NUP205: variants seen among roughly 807,000 people sequenced by gnomAD.
The protein encoded by NUP205 is nuclear pore complex protein Nup205.
In NUP205, 76 loss-of-function variants were observed where a neutral mutation model predicts 253.8. The observed-to-expected ratio is 0.30, with a 90% CI of 0.25 to 0.36. The LOEUF (loss-of-function observed/expected upper bound fraction) is 0.36. NUP205 is among the 10% of genes least tolerant of loss of function. The pLI is 1.00. For synonymous variants in NUP205, 832 were observed against 850.1 expected, an observed-to-expected ratio of 0.98 and a Z score of 0.37; for missense variants, 2,162 against 2,425.5, an observed-to-expected ratio of 0.89 and a Z score of 2.28.
At position 135,591,485 on chromosome 7, in the gene NUP205, C is replaced by T. The variant is rs1806627711; in HGVS notation, c.1509C>T (p.Asp503=). The change falls in exon 11 of 43, where the codon GAC becomes GAT. Residue 503 remains aspartate, a synonymous_variant. Transcript: ENST00000285968. ...VLSKFVRQMG[D]LLPPTIYIPY... ...CAAAGTTTGTTAGGCAAATGGGTGACCTGTTGCCTCCAACTATTTATATTC... is the reference window on the plus strand; with the variant it reads ...CAAAGTTTGTTAGGCAAATGGGTGATCTGTTGCCTCCAACTATTTATATTC... 2 of 1,613,936 alleles carry T rather than the reference C, an allele frequency of 1.2e-6. No homozygotes were observed. Among genetic ancestry groups the T allele is most frequent in the South Asian group, 1.1e-5 (1 of 91,052 alleles).
At chr7:135,591,688 A>G (rs954210165) in intron 11 of NUP205, 88 bp downstream of exon 11, 18 of 1,186,210 alleles carry the variant, frequency 1.5e-5, no homozygotes, top group Non-Finnish European at 2.2e-5. Context: ...TTGGTGTTTG[A>G]ACTAGGTTCT....
chr7:135,610,934 A>T (rs984895835), intron 22 of NUP205, among the ~76,000 whole-genome samples: 11 of 151,436 alleles, frequency 7.3e-5, no homozygotes, highest in Non-Finnish European at 1.3e-4. Context: ...ACCAGGAAGG[A>T]TATAGCCCAC....
intron 13 of NUP205, among the ~76,000 whole-genome samples, chr7:135,596,431 T>G (rs1387424385): frequency 1.3e-5 from 2 of 152,242 alleles, no homozygotes; most frequent in Admixed American, 6.5e-5. Flanking sequence ...GCTTAGTGCT[T>G]CTTTACACCT....
intron 31 of NUP205, 81 bp from the exon 32 acceptor site, chr7:135,625,083 C>A: frequency 2.9e-6 from 3 of 1,045,414 alleles, no homozygotes; most frequent in South Asian, 3.0e-5. Flanking sequence ...TATTTCATAT[C>A]TGATGTCAGA....
At chr7:135,598,430 TAGG>T (rs1192208259) in intron 15 of NUP205, among the ~76,000 whole-genome samples, 1 of 152,224 alleles carries the variant, frequency 6.6e-6, no homozygotes, top group African/African-American at 2.4e-5. Flanking sequence ...ATCTAATTGA[TAGG>T]AGTTCATATT....
At chr7:135,566,038 C>G (rs1805747387) in intron 1 of NUP205, among the ~76,000 whole-genome samples, 1 of 152,134 alleles carries the variant, frequency 6.6e-6, no homozygotes, top group Admixed American at 6.6e-5. Flanking sequence ...ATTGATTATT[C>G]TCTAATCAAA....
At chr7:135,572,051 G>T (rs747193802) in intron 2 of NUP205, among the ~76,000 whole-genome samples, 5 of 152,146 alleles carry the variant, frequency 3.3e-5, no homozygotes, top group East Asian at 1.9e-4. Context: ...TAGAGATAGG[G>T]TCTTGCTATG....
intron 22 of NUP205, among the ~76,000 whole-genome samples, chr7:135,612,843 G>A (rs1794273114): frequency 6.6e-6 from 1 of 152,136 alleles, no homozygotes; most frequent in African/African-American, 2.4e-5. Context: ...TTCACAAGTA[G>A]TCATAACAAT....
At chr7:135,613,545 CTTTTTTTTTT>C (rs1270458119) in intron 22 of NUP205, among the ~76,000 whole-genome samples, 2 of 136,612 alleles carry the variant, frequency 1.5e-5, no homozygotes, top group Non-Finnish European at 3.2e-5. Context: ...CTTTTTTTTT[CTTTTTTTTTT>C]GAGACAGGGT....
At chr7:135,623,223 C>T (rs566808889) in intron 31 of NUP205, among the ~76,000 whole-genome samples, 9 of 152,190 alleles carry the variant, frequency 5.9e-5, no homozygotes, top group East Asian at 5.8e-4. Flanking sequence ...AGGTTGCTTG[C>T]GGTGAGCTGT....
At chr7:135,577,438 G>A (rs1252810243) in intron 5 of NUP205, among the ~76,000 whole-genome samples, 1 of 152,118 alleles carries the variant, frequency 6.6e-6, no homozygotes, top group Non-Finnish European at 1.5e-5. Context: ...CTGTTTGACA[G>A]TACAGTATAC....
intron 33 of NUP205, among the ~76,000 whole-genome samples, chr7:135,626,581 C>T (rs958012811): frequency 6.6e-6 from 1 of 151,174 alleles, no homozygotes; most frequent in Non-Finnish European, 1.5e-5. Context: ...TGTACTTGCC[C>T]AATGTTATTA....
chr7:135,616,711 G>C lies in NUP205; in HGVS notation c.3517G>C (p.Asp1173His). The change falls in exon 25 of 43, where the codon GAC becomes CAC. Residue 1173 changes from aspartate to histidine, a missense_variant. By Grantham distance (81) the Asp-to-His change is moderately conservative. Around this residue, in one of 5 missense-constraint regions of NUP205, gnomAD observed 1,144 missense variants for 1,280.9 expected, o/e 0.89. Transcript: ENST00000285968. ...GTCTGTTTCTGGGTTCCTTCACTTT[G>C]ACACTGCTACAAAAGGTAATGCCCT... is the stretch of plus-strand genomic sequence containing the variant. ...NRSVSGFLHF[D>H]TATKVRRKIL... 6.4e-7 allele frequency: 1 copy of C among 1,562,250 alleles called. No individual in the cohort carries two copies. Among genetic ancestry groups the C allele is most frequent in the Non-Finnish European group, 8.6e-7 (1 of 1,157,390 alleles).
Position 135,618,537 on chromosome 7 carries a change from G to C in NUP205, c.3897G>C (p.Gln1299His). 1 of 1,613,868 alleles carries C rather than the reference G, an allele frequency of 6.2e-7. No individual in the cohort carries two copies. Among genetic ancestry groups the C allele is most frequent in the Non-Finnish European group, 8.5e-7 (1 of 1,179,922 alleles). The stretch of plus-strand genomic sequence containing the variant: ...AAATTATACTGACAGCTTGTCCCCA[G>C]GACCTCATTCAGGCAGAGGATCGAC... ...LVEIILTACP[Q>H]DLIQAEDRQL... Residue 1299 changes from glutamine (Q) to histidine (H), a missense_variant, in exon 28 of 43, where the codon CAG becomes CAC. Around this residue, in one of 5 missense-constraint regions of NUP205, gnomAD observed 1,144 missense variants for 1,280.9 expected, o/e 0.89. Transcript: ENST00000285968.
Position 135,639,564 on chromosome 7 carries a change from G to A in NUP205, c.5392+881G>A, listed in dbSNP as rs537909540. On this transcript the variant is annotated intron_variant, in intron 38 of 42. Coordinates refer to ENST00000285968, the MANE Select transcript of NUP205 (RefSeq NM_015135.3). ...AAGTTAGCCGGGTGCAGTGGCGCGC[G>A]CCTGTAATCCCAGGTACTCTGGAGG... Among the ~76,000 whole-genome samples the A allele has an allele frequency of 2.6e-4, 40 of 151,938 alleles. No homozygotes were observed. In the South Asian group the frequency reaches 7.3e-3, roughly 28 times the overall value.
rs756699603 is a variant in NUP205 at position 135,648,548 on chromosome 7, A to G, written c.6031A>G (p.Arg2011Gly). ...TATCCGTGGCCTCTTGAGGATATCA[A>G]GGAACTGAGAGCCCGTGCTTATGCT... ...RRIRGLLRISRN is the reference protein window; with the variant it reads ...RRIRGLLRISGN Residue 2011 changes from arginine to glycine, a missense_variant, in exon 43 of 43, where the codon AGG becomes GGG. By Grantham distance (125) the Arg-to-Gly change is moderately radical. Around this residue, in one of 5 missense-constraint regions of NUP205, gnomAD observed 1,144 missense variants for 1,280.9 expected, o/e 0.89. Transcript: ENST00000285968. The G allele has an allele frequency of 2.6e-6, 4 of 1,556,680 alleles. No individual in the cohort carries two copies. The highest frequency in any genetic ancestry group is 1.2e-5 in the South Asian group (1 of 80,944).
chr7:135,608,946 C>CA (rs989887304), intron 22 of NUP205, among the ~76,000 whole-genome samples: 21 of 149,736 alleles, frequency 1.4e-4, no homozygotes, highest in Non-Finnish European at 2.4e-4. Context: ...ACTAAAAATA[C>CA]AAAAAAAATT....
chr7:135,584,730 C>A (rs1806408530), intron 7 of NUP205, 102 bp from the exon 8 acceptor site: 3 of 1,000,832 alleles, frequency 3.0e-6, no homozygotes, highest in Non-Finnish European at 4.6e-6. Context: ...TGCTAGAAGG[C>A]TGGGAAGATG....
intron 23 of NUP205, among the ~76,000 whole-genome samples, chr7:135,614,577 T>A (rs1314005709): frequency 5.9e-5 from 9 of 152,202 alleles, no homozygotes; most frequent in African/African-American, 1.9e-4. Context: ...AAAATTGTTT[T>A]ACGAAGATTT....
Sources: gnomAD v4.1 joint callset for allele counts (sites outside exome capture counted in the v4.1 genomes callset) on GRCh38, gnomAD v4.1.1 for gene constraint, gnomAD v4.1.1 regional missense constraint, MANE v1.5 for transcripts, NCBI Gene and HGNC (gene_info 2026-07-23, HGNC 2026-07-21) for gene names.